Variants in SPAG16 observed in about 807,000 individuals in gnomAD.
SPAG16 encodes sperm associated antigen 16.
In SPAG16, 86 loss-of-function variants were observed where a neutral mutation model predicts 80.4. The observed-to-expected ratio is 1.07, with a 90% CI of 0.90 to 1.28. SPAG16 has a LOEUF of 1.28. Ranked by LOEUF, SPAG16 falls within the 50% of genes most tolerant of loss-of-function variation. The pLI, the probability that SPAG16 is intolerant of heterozygous loss-of-function variation, is 0.00. For synonymous variants in SPAG16, 294 were observed against 265.9 expected, an observed-to-expected ratio of 1.11 and a Z score of -1.03; for missense variants, 870 against 765.3, an observed-to-expected ratio of 1.14 and a Z score of -1.61.
At chr2:213,397,062 T>C (rs189559237) in intron 9 of SPAG16, among the ~76,000 whole-genome samples, 8 of 152,354 alleles carry the variant, frequency 5.3e-5, no homozygotes, top group African/African-American at 1.7e-4. Context: ...TTCATGATAG[T>C]TTCCCCTGCA....
chr2:214,250,753 TATATAGAGAGAG>T (rs1177884588), intron 15 of SPAG16, among the ~76,000 whole-genome samples: 3,342 of 99,396 alleles, frequency 0.034, 68 homozygotes, highest in Admixed American at 0.05. Flanking sequence ...TATATATATA[TATATAGAGAGAG>T]AGAGAGAGAG....
intron 13 of SPAG16, among the ~76,000 whole-genome samples, chr2:214,083,514 G>A (rs1576113836): frequency 1.3e-5 from 2 of 152,222 alleles, no homozygotes; most frequent in South Asian, 4.1e-4. Context: ...CAAGTCTCGT[G>A]TTCTGATTTC....
intron 10 of SPAG16, among the ~76,000 whole-genome samples, chr2:213,635,004 A>G (rs1373512876): frequency 6.7e-6 from 1 of 150,110 alleles, no homozygotes; most frequent in African/African-American, 2.4e-5. Flanking sequence ...TTGTTGATTT[A>G]TGTGCATTGG....
At chr2:213,922,473 T>A (rs1477602384) in intron 11 of SPAG16, among the ~76,000 whole-genome samples, 2 of 152,180 alleles carry the variant, frequency 1.3e-5, no homozygotes, top group Non-Finnish European at 2.9e-5. Context: ...TTTTGCTGTT[T>A]CCCTGTATCT....
chr2:213,458,973 T>C (rs1009344567), intron 9 of SPAG16, among the ~76,000 whole-genome samples: 4 of 152,216 alleles, frequency 2.6e-5, no homozygotes, highest in Non-Finnish European at 5.9e-5. Context: ...TTGGGAAAAT[T>C]CTCAGCCATT....
intron 14 of SPAG16, among the ~76,000 whole-genome samples, chr2:214,140,585 T>C (rs1472155974): frequency 1.3e-5 from 2 of 152,078 alleles, no homozygotes; most frequent in Non-Finnish European, 2.9e-5. Context: ...ATTTTTATAC[T>C]CATGATAACT....
rs1213793468 is a variant in SPAG16, at chr2:213,792,188, A to G, written c.1071-70297A>G. Among the ~76,000 whole-genome samples the G allele has an allele frequency of 9.8e-5, 15 of 152,356 alleles. No homozygotes were observed. In the East Asian group the frequency reaches 2.7e-3, roughly 27 times the overall value. On this transcript the variant is annotated intron_variant, in intron 10 of 15. Coordinates refer to ENST00000331683, the MANE Select transcript of SPAG16 (RefSeq NM_024532.5). Reference sequence around the variant, plus strand: ...AGTAAGAACTACTTTGCAATGGCTCATAGTATTAAGTACATAAAATAAAAG... The same window carrying G: ...AGTAAGAACTACTTTGCAATGGCTCGTAGTATTAAGTACATAAAATAAAAG...
chr2:214,335,032 G>A (rs1485186238), intron 15 of SPAG16, among the ~76,000 whole-genome samples: 2 of 152,136 alleles, frequency 1.3e-5, no homozygotes, highest in Admixed American at 6.6e-5. Context: ...AGAACTGTCG[G>A]GAGTGAGAGA....
chr2:213,917,192 A>G (rs2078011567), intron 11 of SPAG16, among the ~76,000 whole-genome samples: 1 of 152,028 alleles, frequency 6.6e-6, no homozygotes, highest in African/African-American at 2.4e-5. Context: ...CTAGTAGTAC[A>G]GTTTAGTCAA....
chr2:214,322,442 TG>T (rs1696162666), intron 15 of SPAG16, among the ~76,000 whole-genome samples: 1 of 151,568 alleles, frequency 6.6e-6, no homozygotes, highest in East Asian at 1.9e-4. Flanking sequence ...GAGATAAAAT[TG>T]CCTTAATTGG....
intron 10 of SPAG16, among the ~76,000 whole-genome samples, chr2:213,509,421 T>C (rs568320670): frequency 6.6e-6 from 1 of 152,316 alleles, no homozygotes; most frequent in South Asian, 2.1e-4. Context: ...TAGAGAGAAT[T>C]AAGGTCAAAA....
At chr2:213,504,952 G>A (rs1661846914) in intron 10 of SPAG16, among the ~76,000 whole-genome samples, 1 of 152,200 alleles carries the variant, frequency 6.6e-6, no homozygotes, top group South Asian at 2.1e-4. Flanking sequence ...ATTTTCCAAG[G>A]CAATGTGCTC....
At chr2:214,186,925 A>G (rs1273821544) in intron 15 of SPAG16, among the ~76,000 whole-genome samples, 1 of 151,940 alleles carries the variant, frequency 6.6e-6, no homozygotes, top group Non-Finnish European at 1.5e-5. Context: ...ATGCGAGGCT[A>G]ATTTCTGTAT....
intron 10 of SPAG16, among the ~76,000 whole-genome samples, chr2:213,857,761 A>G (rs1372032787): frequency 5.3e-5 from 8 of 152,356 alleles, no homozygotes; most frequent in African/African-American, 1.9e-4. Flanking sequence ...TATAGCTGCC[A>G]TAGACAGTGA....
intron 14 of SPAG16, among the ~76,000 whole-genome samples, chr2:214,108,589 A>T (rs1244828304): frequency 6.6e-6 from 1 of 152,126 alleles, no homozygotes; most frequent in Admixed American, 6.6e-5. Context: ...CTTCAAAAAA[A>T]TAGGTGGGCT....
chr2:214,089,616 T>C (rs981127402), intron 13 of SPAG16, among the ~76,000 whole-genome samples: 2 of 152,006 alleles, frequency 1.3e-5, no homozygotes, highest in African/African-American at 4.8e-5. Context: ...CTAACCTATA[T>C]TCCAAGTCCA....
At chr2:213,900,393 A>T (rs2077172306) in intron 11 of SPAG16, among the ~76,000 whole-genome samples, 1 of 152,156 alleles carries the variant, frequency 6.6e-6, no homozygotes. Context: ...CAAAACACCG[A>T]TATTAAAATA....
intron 15 of SPAG16, among the ~76,000 whole-genome samples, chr2:214,208,453 A>G (rs182251839): frequency 3.1e-4 from 47 of 152,318 alleles, no homozygotes; most frequent in Non-Finnish European, 5.7e-4. Context: ...CTGTGTAGAC[A>G]TGCTCAAAGT....
intron 11 of SPAG16, among the ~76,000 whole-genome samples, chr2:213,911,805 G>C (rs936790892): frequency 3.0e-5 from 4 of 131,866 alleles, no homozygotes; most frequent in Admixed American, 8.4e-5. Flanking sequence ...GAGAACAATT[G>C]AGTAGGTTTG....
Sources: gnomAD v4.1 joint callset for allele counts (sites outside exome capture counted in the v4.1 genomes callset) on GRCh38, gnomAD v4.1.1 for gene constraint, MANE v1.5 for transcripts, NCBI Gene and HGNC (gene_info 2026-07-23, HGNC 2026-07-21) for gene names.